The following NKAIN3 variants were observed in gnomAD, a reference collection of about 807,000 sequenced individuals.
NKAIN3 encodes sodium/potassium-transporting ATPase subunit beta-1-interacting protein 3.
NKAIN3 carries 25 observed loss-of-function variants against 30.2 expected under a neutral mutation model. That is an observed-to-expected ratio of 0.83 (90% CI 0.60 to 1.16). The LOEUF (loss-of-function observed/expected upper bound fraction) is 1.16, where lower values mean the gene tolerates loss of function less well. Among genes scored for constraint, NKAIN3 ranks in the 50% most tolerant of loss-of-function variants. The pLI is 0.00. For synonymous variants in NKAIN3, 91 were observed against 89.6 expected (o/e 1.02, Z -0.09); for missense variants, 225 against 254.1 (o/e 0.89, Z 0.78).
At chr8:62,989,464 A>C (rs1824272277), downstream of NKAIN3, among the ~76,000 whole-genome samples, 1 of 151,748 alleles carries the variant, frequency 6.6e-6, no homozygotes, top group South Asian at 2.1e-4. Context: ...GTGTAGGGTA[A>C]CTCCCCCTTA....
intron 1 of NKAIN3, among the ~76,000 whole-genome samples, chr8:62,461,016 C>T (rs888988727): frequency 1.3e-5 from 2 of 152,160 alleles, no homozygotes; most frequent in Admixed American, 6.5e-5. Flanking sequence ...AGTACCTGTC[C>T]AGGGCTGTGC....
At chr8:62,863,440 T>G in intron 4 of NKAIN3, 1 of 1,555,802 alleles carries the variant, frequency 6.4e-7, no homozygotes, top group Admixed American at 1.8e-5. Flanking sequence ...GGTCTTACTG[T>G]GTAGATATTC....
At chr8:62,872,691 G>GT (rs1193586439) in intron 4 of NKAIN3, among the ~76,000 whole-genome samples, 10 of 152,226 alleles carry the variant, frequency 6.6e-5, no homozygotes, top group African/African-American at 2.4e-4. Context: ...TAAGGAGTGA[G>GT]TAAGTCCACA....
At chr8:62,863,384 T>A (rs1820315679) in intron 4 of NKAIN3, 1 of 1,545,506 alleles carries the variant, frequency 6.5e-7, no homozygotes, top group Admixed American at 1.9e-5. Context: ...GCATCATCCA[T>A]ACACATCAAG....
intron 4 of NKAIN3, among the ~76,000 whole-genome samples, chr8:62,840,148 T>C (rs1030463731): frequency 6.6e-6 from 1 of 152,134 alleles, no homozygotes; most frequent in Admixed American, 6.6e-5. Flanking sequence ...CTGTTATCAC[T>C]AGGAGAAACA....
intron 3 of NKAIN3, among the ~76,000 whole-genome samples, chr8:62,613,374 A>C (rs1251769332): frequency 1.3e-5 from 2 of 152,172 alleles, no homozygotes; most frequent in Admixed American, 1.3e-4. Flanking sequence ...GTTTTCACTG[A>C]AAAGTCTGCT....
At chr8:62,366,787 G>C (rs1327125587) in intron 1 of NKAIN3, among the ~76,000 whole-genome samples, 1 of 152,016 alleles carries the variant, frequency 6.6e-6, no homozygotes, top group Non-Finnish European at 1.5e-5. Context: ...ACACTTGGTT[G>C]TTTATTTGAG....
chr8:62,488,272 G>C (rs1237165227), intron 1 of NKAIN3, among the ~76,000 whole-genome samples: 9 of 151,992 alleles, frequency 5.9e-5, no homozygotes, highest in Non-Finnish European at 1.2e-4. Context: ...CCCAGGCTCT[G>C]CTTTACCTCA....
intron 4 of NKAIN3, chr8:62,863,715 T>A: frequency 6.4e-7 from 1 of 1,564,102 alleles, no homozygotes; most frequent in East Asian, 2.2e-5. Context: ...CGCTGAGCAC[T>A]TTTTACAACT....
intron 1 of NKAIN3, among the ~76,000 whole-genome samples, chr8:62,327,464 C>G (rs1278316022): frequency 1.3e-5 from 2 of 151,928 alleles, no homozygotes; most frequent in South Asian, 2.1e-4. Context: ...ACATTTAGGT[C>G]TTTGATCTGC....
intron 4 of NKAIN3, among the ~76,000 whole-genome samples, chr8:62,802,199 G>A (rs1341809788): frequency 6.6e-6 from 1 of 152,192 alleles, no homozygotes; most frequent in African/African-American, 2.4e-5. Context: ...CACAGTGCAG[G>A]ATATTATCCA....
intron 4 of NKAIN3, among the ~76,000 whole-genome samples, chr8:62,877,421 G>A (rs10808726): frequency 6.6e-6 from 1 of 152,024 alleles, no homozygotes; most frequent in Non-Finnish European, 1.5e-5. Flanking sequence ...GGGGAGTGGG[G>A]GTCAGGATCT....
At chr8:62,593,375 C>T (rs1388700955) in intron 3 of NKAIN3, among the ~76,000 whole-genome samples, 2 of 151,552 alleles carry the variant, frequency 1.3e-5, no homozygotes, top group Non-Finnish European at 3.0e-5. Flanking sequence ...TGGATGAATT[C>T]CTATCAGTGT....
intron 3 of NKAIN3, among the ~76,000 whole-genome samples, chr8:62,619,673 T>C (rs1484620726): frequency 6.9e-6 from 1 of 145,802 alleles, no homozygotes; most frequent in Non-Finnish European, 1.5e-5. Flanking sequence ...GATATTTAAC[T>C]CAGAATAAAT....
At chr8:62,889,008 G>A (rs560114831) in intron 4 of NKAIN3, among the ~76,000 whole-genome samples, 1 of 152,218 alleles carries the variant, frequency 6.6e-6, no homozygotes, top group African/African-American at 2.4e-5. Context: ...CTGTGTGTCA[G>A]CAATGGACTA....
chr8:62,924,923 C>T (rs73262858), intron 5 of NKAIN3, among the ~76,000 whole-genome samples: 2,337 of 152,242 alleles, frequency 0.015, 58 homozygotes, highest in African/African-American at 0.049. Context: ...ACTAACCCAT[C>T]CATGAGTGAC....
At chr8:62,392,634 A>C (rs1447527508) in intron 1 of NKAIN3, among the ~76,000 whole-genome samples, 1 of 152,044 alleles carries the variant, frequency 6.6e-6, no homozygotes, top group Non-Finnish European at 1.5e-5. Context: ...TAAAATTAAT[A>C]GGTCATTCCA....
intron 6 of NKAIN3, among the ~76,000 whole-genome samples, chr8:62,958,010 G>A (rs575673999): frequency 6.6e-6 from 1 of 152,216 alleles, no homozygotes; most frequent in South Asian, 2.1e-4. Flanking sequence ...ATTTTGCTGT[G>A]AACCTAAAAC....
At chr8:62,716,373 TA>T (rs1055737504) in intron 3 of NKAIN3, among the ~76,000 whole-genome samples, 3 of 152,174 alleles carry the variant, frequency 2.0e-5, no homozygotes, top group Non-Finnish European at 2.9e-5. Context: ...CAGTGAAGGA[TA>T]GGGGTTAATT....
Sources: gnomAD v4.1 joint callset for allele counts (sites outside exome capture counted in the v4.1 genomes callset) on GRCh38, gnomAD v4.1.1 for gene constraint, MANE v1.5 for transcripts, NCBI Gene and HGNC (gene_info 2026-07-23, HGNC 2026-07-21) for gene names.